TRIOBP: variants seen among roughly 807,000 people sequenced by gnomAD.
The protein encoded by TRIOBP is TRIO and F-actin binding protein.
TRIOBP carries 169 observed loss-of-function variants against 238.8 expected under a neutral mutation model. The ratio of observed to expected loss-of-function variants is 0.71; its 90% CI spans 0.62 to 0.80. The LOEUF is 0.80. TRIOBP is among the 30% of genes least tolerant of loss of function. TRIOBP has a pLI of 0.00. For synonymous variants in TRIOBP, 1,150 were observed against 1,274.4 expected (o/e 0.90, Z 2.08); for missense variants, 2,838 against 3,122.6 (o/e 0.91, Z 2.17).
chr22:37,757,555 C>T (rs1259936624), intron 15 of TRIOBP, 58 bp from the exon 16 acceptor site: 2 of 1,539,786 alleles, frequency 1.3e-6, no homozygotes, highest in Admixed American at 2.0e-5. Context: ...TCCAAAAGTG[C>T]TCATTGTGGG....
At chr22:37,766,384 T>C (rs1926494711) in intron 18 of TRIOBP, among the ~76,000 whole-genome samples, 1 of 152,244 alleles carries the variant, frequency 6.6e-6, no homozygotes, top group Non-Finnish European at 1.5e-5. Flanking sequence ...ACAATAGAAA[T>C]GCTGGCCAAT....
chr22:37,731,020 G>A (rs1219257299), intron 7 of TRIOBP, among the ~76,000 whole-genome samples: 1 of 151,770 alleles, frequency 6.6e-6, no homozygotes, highest in Non-Finnish European at 1.5e-5. Context: ...CTTCCTCCAG[G>A]GAACTTTGGT....
chr22:37,729,040 C>T (rs1404676539), intron 7 of TRIOBP, among the ~76,000 whole-genome samples: 14 of 152,020 alleles, frequency 9.2e-5, no homozygotes, highest in Admixed American at 8.5e-4. Flanking sequence ...CTCAGCCTCC[C>T]GAGGAGCTGG....
intron 12 of TRIOBP, among the ~76,000 whole-genome samples, chr22:37,753,279 T>G (rs1377392039): frequency 6.8e-6 from 1 of 147,102 alleles, no homozygotes; most frequent in Non-Finnish European, 1.5e-5. Context: ...TTTATTTTTG[T>G]TTTTTTTTTT....
At chr22:37,706,428 A>G (rs913725829) in intron 3 of TRIOBP, among the ~76,000 whole-genome samples, 22 of 152,188 alleles carry the variant, frequency 1.4e-4, no homozygotes, top group Admixed American at 4.6e-4. Flanking sequence ...GACAGCCAAG[A>G]AGGCCAGAGG....
At chr22:37,761,929 G>A (rs1926265083) in intron 17 of TRIOBP, among the ~76,000 whole-genome samples, 1 of 151,638 alleles carries the variant, frequency 6.6e-6, no homozygotes, top group African/African-American at 2.4e-5. Flanking sequence ...CAGGTGGGAG[G>A]GCCTCCGAGG....
At chr22:37,722,959 A>C (rs1923909267) in intron 6 of TRIOBP, among the ~76,000 whole-genome samples, 1 of 152,160 alleles carries the variant, frequency 6.6e-6, no homozygotes, top group African/African-American at 2.4e-5. Context: ...TGAGTGAGTC[A>C]GGGTCTCAAT....
At chr22:37,698,149 G>A (rs1365153537) in intron 2 of TRIOBP, among the ~76,000 whole-genome samples, 4 of 143,822 alleles carry the variant, frequency 2.8e-5, no homozygotes, top group Non-Finnish European at 4.5e-5. Flanking sequence ...GCAGTGAGCC[G>A]AGATCGCGCC....
chr22:37,769,819 C>T (rs761643762), intron 21 of TRIOBP, among the ~76,000 whole-genome samples: 61 of 152,114 alleles, frequency 4.0e-4, no homozygotes, highest in Non-Finnish European at 8.1e-4. Flanking sequence ...ACCTCTGCCT[C>T]CCTGGTTCAA....
At chr22:37,763,766 G>A (rs947373290) in intron 17 of TRIOBP, among the ~76,000 whole-genome samples, 3 of 152,188 alleles carry the variant, frequency 2.0e-5, no homozygotes, top group Non-Finnish European at 4.4e-5. Flanking sequence ...GGTGGCAGCT[G>A]TAACCTGTAA....
rs1232886731 is a variant in TRIOBP at position 37,775,151 on chromosome 22, C to G, written c.*1371C>G. 1 of 152,194 alleles carries G rather than the reference C, an allele frequency of 6.6e-6. No individual in the cohort carries two copies. The highest frequency in any genetic ancestry group is 6.5e-5 in the Admixed American group (1 of 15,276). The allele number at this position is 152,194 out of a possible 1,614,324, so 9.4% of individuals were successfully genotyped here. A position where few individuals can be genotyped will look rare whatever the true frequency, so the allele number is the denominator to read the frequency against. ...AAACAGGCCACATCCAGTAGGGGTC[C>G]TGGAAGGCTGTGAGAACCCAGAGGA... On this transcript the variant is annotated 3_prime_UTR_variant, in exon 24 of 24. Coordinates refer to ENST00000644935, the MANE Select transcript of TRIOBP (RefSeq NM_001039141.3).
chr22:37,738,630 T>A lies in TRIOBP; in HGVS notation c.5107-12T>A, dbSNP rs1418352289. The A allele has an allele frequency of 6.2e-7, 1 of 1,613,596 alleles. No individual in the cohort carries two copies. The highest frequency in any genetic ancestry group is 1.3e-5 in the African/African-American group (1 of 74,970). ...AAGTTGGGCTAAGCTGTGTTCTTTT[T>A]TTAATCTCCAGTTCCAACCAGAGGA... On this transcript the variant is annotated splice_polypyrimidine_tract_variant and intron_variant, in intron 9 of 23. Coordinates refer to ENST00000644935, the MANE Select transcript of TRIOBP (RefSeq NM_001039141.3).
intron 19 of TRIOBP, 32 bp from the exon 20 acceptor site, chr22:37,768,996 C>G: frequency 6.2e-7 from 1 of 1,612,690 alleles, no homozygotes; most frequent in Non-Finnish European, 8.5e-7. Context: ...GCAAGACAAC[C>G]TATGCTCTCC....
chr22:37,750,095 G>A (rs1180262213), intron 11 of TRIOBP, among the ~76,000 whole-genome samples: 1 of 152,178 alleles, frequency 6.6e-6, no homozygotes, highest in African/African-American at 2.4e-5. Flanking sequence ...CAGTCCTGTC[G>A]GAAGCTGCGG....
rs1175605559 is a variant in TRIOBP at position 37,715,837 on chromosome 22, G to A, written c.531G>A (p.Arg177=). The part of the protein sequence containing the change: ...WDELAVMIPR[R]PREGPRADSS... ...AGCTCGCAGTGATGATCCCGAGGAG[G>A]CCTCGGGAGGGGCCGAGAGCTGACA... is the stretch of plus-strand genomic sequence containing the variant. The change falls in exon 6 of 24, where the codon AGG becomes AGA. Residue 177 remains arginine, a synonymous_variant. Coordinates refer to ENST00000644935, the MANE Select transcript of TRIOBP (RefSeq NM_001039141.3). 6.2e-7 allele frequency: 1 copy of A among 1,614,066 alleles called. No homozygotes were observed. The highest frequency in any genetic ancestry group is 8.5e-7 in the Non-Finnish European group (1 of 1,179,998).
chr22:37,747,516 A>C (rs1925348698), intron 11 of TRIOBP, among the ~76,000 whole-genome samples: 1 of 152,116 alleles, frequency 6.6e-6, no homozygotes, highest in African/African-American at 2.4e-5. Context: ...CTGCCCTGTG[A>C]GTGTGATGGC....
chr22:37,716,849 C>T (rs746782442), intron 6 of TRIOBP, among the ~76,000 whole-genome samples: 9 of 152,174 alleles, frequency 5.9e-5, no homozygotes, highest in African/African-American at 9.7e-5. Flanking sequence ...GATGAGAAAC[C>T]AGTTAAGAGA....
intron 17 of TRIOBP, among the ~76,000 whole-genome samples, chr22:37,763,866 G>A (rs1016342105): frequency 3.9e-5 from 6 of 152,210 alleles, no homozygotes; most frequent in Non-Finnish European, 8.8e-5. Context: ...CAGCCAAGGC[G>A]TGGGCAGGAC....
chr22:37,715,978 G>GC (rs755529273), intron 6 of TRIOBP, 44 bp downstream of exon 6: 4 of 1,608,180 alleles, frequency 2.5e-6, no homozygotes, highest in African/African-American at 1.3e-5. Flanking sequence ...ATGGCCTGGG[G>GC]CCCCCCAGAT....
Sources: allele counts gnomAD v4.1 joint callset (sites outside exome capture counted in the v4.1 genomes callset), GRCh38; gene constraint gnomAD v4.1.1; transcripts MANE v1.5; gene names NCBI Gene and HGNC (gene_info 2026-07-23, HGNC 2026-07-21).